Variants in GSE1 observed in about 807,000 individuals in gnomAD.
GSE1 encodes Gse1 coiled-coil protein, also known as genetic suppressor element 1.
In GSE1, 32 loss-of-function variants were observed where a neutral mutation model predicts 112.6. The ratio of observed to expected loss-of-function variants is 0.28; its 90% CI spans 0.21 to 0.38. GSE1 has a LOEUF of 0.38. GSE1 is among the 10% of genes least tolerant of loss of function. The pLI, the probability that GSE1 is intolerant of heterozygous loss-of-function variation, is 1.00. For missense variants in GSE1, 2,348 were observed against 1,699.2 expected (o/e 1.38, Z -6.71); for synonymous variants, 1,115 against 735.6 (o/e 1.52, Z -8.35).
intron 1 of GSE1, among the ~76,000 whole-genome samples, chr16:85,294,657 C>CTG (rs1230503491): frequency 8.5e-6 from 1 of 117,722 alleles, no homozygotes; most frequent in East Asian, 2.3e-4. Context: ...CTCTCTCTCT[C>CTG]TGTCTCTCTC....
chr16:85,557,462 C>T (rs2045291657), intron 1 of GSE1, among the ~76,000 whole-genome samples: 1 of 152,054 alleles, frequency 6.6e-6, no homozygotes, highest in Non-Finnish European at 1.5e-5. Context: ...TCCTAGTTTT[C>T]CCATGTTGAG....
chr16:85,604,678 G>A (rs1265669242), intron 1 of GSE1, among the ~76,000 whole-genome samples: 1 of 116,232 alleles, frequency 8.6e-6, no homozygotes, highest in African/African-American at 3.4e-5. Context: ...CCAGGAGGTC[G>A]AGACTGCAGT....
intron 1 of GSE1, among the ~76,000 whole-genome samples, chr16:85,253,709 G>A (rs946812133): frequency 6.6e-6 from 1 of 152,220 alleles, no homozygotes; most frequent in African/African-American, 2.4e-5. Flanking sequence ...GTTAGCCAGG[G>A]GAGAAGGAGG....
At chr16:85,498,643 A>G (rs2051261467) in intron 2 of GSE1, among the ~76,000 whole-genome samples, 1 of 152,122 alleles carries the variant, frequency 6.6e-6, no homozygotes, top group African/African-American at 2.4e-5. Flanking sequence ...CGCACCTACA[A>G]CCTAGACACC....
chr16:85,403,906 G>A (rs961011690), intron 2 of GSE1, among the ~76,000 whole-genome samples: 1 of 152,168 alleles, frequency 6.6e-6, no homozygotes, highest in African/African-American at 2.4e-5. Context: ...AGAGGCTGCT[G>A]GGAGGCCCCT....
At chr16:85,550,563 GC>G (rs2044869233) in intron 2 of GSE1, among the ~76,000 whole-genome samples, 1 of 152,044 alleles carries the variant, frequency 6.6e-6, no homozygotes, top group Admixed American at 6.6e-5. Context: ...GGGGAGCAGT[GC>G]CTCTCTCCAG....
chr16:85,240,286 C>T (rs1204540139), intron 1 of GSE1, among the ~76,000 whole-genome samples: 1 of 152,244 alleles, frequency 6.6e-6, no homozygotes, highest in South Asian at 2.1e-4. Flanking sequence ...GCTTCCCCAG[C>T]TGGAATCCCA....
Position 85,420,791 on chromosome 16 carries a change from G to A in GSE1, c.2464+63148G>A, listed in dbSNP as rs547734077. On this transcript the variant is annotated intron_variant, in intron 2 of 2. Coordinates refer to the GSE1 transcript ENST00000637419. ...CTCTCGCCCTGGGTGGAGTGTAAGG[G>A]CCTCCCACCAGGACCTCTAGAGAGG... is the stretch of plus-strand genomic sequence containing the variant. Among the ~76,000 whole-genome samples, 16 of 152,290 alleles carry A rather than the reference G, an allele frequency of 1.1e-4. No individual in the cohort carries two copies. In the East Asian group the frequency reaches 2.3e-3, roughly 22 times the overall value.
At chr16:85,572,980 C>G (rs2046071920) in intron 1 of GSE1, among the ~76,000 whole-genome samples, 1 of 152,202 alleles carries the variant, frequency 6.6e-6, no homozygotes, top group African/African-American at 2.4e-5. Flanking sequence ...AGAGATTCTC[C>G]TGTCTCAGCC....
At chr16:85,343,522 G>C (rs910106283) in intron 1 of GSE1, among the ~76,000 whole-genome samples, 17 of 152,162 alleles carry the variant, frequency 1.1e-4, no homozygotes, top group African/African-American at 3.9e-4. Flanking sequence ...GTTGAAGCAG[G>C]AAGGTCGCTT....
intron 2 of GSE1, among the ~76,000 whole-genome samples, chr16:85,455,898 A>T (rs1230927274): frequency 6.6e-6 from 1 of 152,126 alleles, no homozygotes; most frequent in Non-Finnish European, 1.5e-5. Context: ...CCTCCCAGGG[A>T]CCCACCCCCA....
At chr16:85,310,842 A>G (rs1042435486) in intron 1 of GSE1, among the ~76,000 whole-genome samples, 1 of 146,488 alleles carries the variant, frequency 6.8e-6, no homozygotes, top group Non-Finnish European at 1.5e-5. Context: ...GGGTCCAGCA[A>G]GTGTGGCCAG....
rs2048461548 is a variant in GSE1, at chr16:85,617,616, A to G, written c.7+4218A>G. ...AACCCTCCCCCCCCCCCCCCCGTTA[A>G]CTGCCACGTGCAGCCCAAGCTGAGA... On this transcript the variant is annotated intron_variant, in intron 1 of 15. Transcript: ENST00000253458. Among the ~76,000 whole-genome samples the G allele has an allele frequency of 6.3e-5, 4 of 63,510 alleles. 2 individuals carry two copies. Among genetic ancestry groups the G allele is most frequent in the Non-Finnish European group, 1.2e-4 (4 of 32,882 alleles). 41.7% of individuals were successfully genotyped at this position (63,510 alleles called of 152,430 possible).
intron 2 of GSE1, among the ~76,000 whole-genome samples, chr16:85,392,047 A>G (rs902058249): frequency 6.6e-6 from 1 of 152,094 alleles, no homozygotes; most frequent in African/African-American, 2.4e-5. Context: ...GGCCTGTTCA[A>G]CGTGGCCCCT....
chr16:85,594,522 C>T (rs1443195293), intron 1 of GSE1: 1 of 152,240 alleles, frequency 6.6e-6, no homozygotes, highest in Admixed American at 6.5e-5. Flanking sequence ...TTCCTTCACT[C>T]GCTCCCTCAC....
chr16:85,279,850 G>A (rs16975473), intron 1 of GSE1, among the ~76,000 whole-genome samples: 10,911 of 152,138 alleles, frequency 0.072, 437 homozygotes, highest in African/African-American at 0.11. Flanking sequence ...TTCAAGAGCC[G>A]CCCATTTCCC....
intron 1 of GSE1, among the ~76,000 whole-genome samples, chr16:85,176,999 G>T (rs1029458300): frequency 2.0e-5 from 3 of 152,252 alleles, no homozygotes; most frequent in African/African-American, 4.8e-5. Flanking sequence ...CCTGGCTGGG[G>T]CTGGTACTGG....
intron 1 of GSE1, among the ~76,000 whole-genome samples, chr16:85,185,815 T>C (rs1031707616): frequency 6.6e-6 from 1 of 152,242 alleles, no homozygotes; most frequent in African/African-American, 2.4e-5. Flanking sequence ...GCCCATGGTC[T>C]GAACCCTCCC....
intron 2 of GSE1, among the ~76,000 whole-genome samples, chr16:85,467,807 A>C (rs564504866): frequency 6.6e-6 from 1 of 152,232 alleles, no homozygotes; most frequent in African/African-American, 2.4e-5. Context: ...GATGTTTTTC[A>C]GGACTGCCAC....
Sources: allele counts gnomAD v4.1 joint callset (sites outside exome capture counted in the v4.1 genomes callset), GRCh38; gene constraint gnomAD v4.1.1; transcripts MANE v1.5; gene names NCBI Gene and HGNC (gene_info 2026-07-23, HGNC 2026-07-21).